The following LRRC4C variants were observed in gnomAD, a reference collection of about 807,000 sequenced individuals.
LRRC4C encodes the protein leucine rich repeat containing 4C.
Under a neutral mutation model 33.6 loss-of-function variants are expected in LRRC4C, and 5 were observed. The observed-to-expected ratio is 0.15, with a 90% CI of 0.08 to 0.31. The LOEUF is 0.31. LRRC4C is among the 10% of genes least tolerant of loss of function. The pLI, the probability that LRRC4C is intolerant of heterozygous loss-of-function variation, is 1.00. For synonymous variants in LRRC4C, 329 were observed against 302.0 expected (o/e 1.09, Z -0.93); for missense variants, 560 against 796.7 (o/e 0.70, Z 3.58).
At chr11:41,178,133 G>T (rs2136135220) in intron 1 of LRRC4C, among the ~76,000 whole-genome samples, 1 of 152,262 alleles carries the variant, frequency 6.6e-6, no homozygotes, top group East Asian at 1.9e-4. Flanking sequence ...TTGGCCTATT[G>T]AACGAGAACA....
chr11:40,653,575 TC>T (rs1942932198), intron 2 of LRRC4C, among the ~76,000 whole-genome samples: 1 of 152,186 alleles, frequency 6.6e-6, no homozygotes, highest in African/African-American at 2.4e-5. Flanking sequence ...TAGAAGCTAT[TC>T]AGTTTTATGC....
At chr11:40,939,299 T>C (rs138830847) in intron 1 of LRRC4C, among the ~76,000 whole-genome samples, 4 of 152,306 alleles carry the variant, frequency 2.6e-5, no homozygotes, top group African/African-American at 7.2e-5. Context: ...AGTGCTCACA[T>C]AAAATGGCTA....
intron 3 of LRRC4C, among the ~76,000 whole-genome samples, chr11:40,597,261 A>G (rs184642739): frequency 2.0e-5 from 3 of 152,190 alleles, no homozygotes; most frequent in Admixed American, 6.5e-5. Context: ...GCACCATATT[A>G]GTCAAGAAAT....
chr11:40,329,737 CTTTTTTTT>C (rs199598860), intron 3 of LRRC4C, among the ~76,000 whole-genome samples: 4 of 120,414 alleles, frequency 3.3e-5, no homozygotes, highest in African/African-American at 9.4e-5. Flanking sequence ...CTTTCTTTTT[CTTTTTTTT>C]TTTTTTTTTT....
intron 4 of LRRC4C, chr11:40,292,428 T>C (rs1446873384): frequency 6.6e-6 from 1 of 152,214 alleles, no homozygotes; most frequent in Non-Finnish European, 1.5e-5. Context: ...CAACTTTTCT[T>C]CTCTGAAATT....
In LRRC4C at chr11:41,411,142, A is replaced by ATTTTTTTTTTTTT. The variant is rs370574515; in HGVS notation, c.-496+48276_-496+48288dup. Among the ~76,000 whole-genome samples the ATTTTTTTTTTTTT allele has an allele frequency of 3.1e-3, 179 of 57,196 alleles. 27 individuals are homozygous for ATTTTTTTTTTTTT. The highest frequency in any genetic ancestry group is 8.7e-3 in the South Asian group (11 of 1,260). 37.5% of individuals were successfully genotyped at this position (57,196 alleles called of 152,430 possible). On this transcript the variant is annotated intron_variant, in intron 1 of 6. Transcript: ENST00000528697. ...ATGAGAAACACTTGGTTGGTACCCT[A>ATTTTTTTTTTTTT]TTTTTTTTTTTTTTTTTTTTTTTTG...
At chr11:41,385,460 TAAA>T (rs575387756) in intron 1 of LRRC4C, among the ~76,000 whole-genome samples, 2 of 150,356 alleles carry the variant, frequency 1.3e-5, no homozygotes, top group African/African-American at 4.9e-5. Context: ...ATGTTAATAG[TAAA>T]AAAAAACTAA....
chr11:41,438,570 C>T (rs1481963540), intron 1 of LRRC4C, among the ~76,000 whole-genome samples: 1 of 151,978 alleles, frequency 6.6e-6, no homozygotes, highest in African/African-American at 2.4e-5. Flanking sequence ...GTATACTATC[C>T]CTGGAGCCCC....
chr11:40,701,678 G>T (rs570245572), intron 2 of LRRC4C, among the ~76,000 whole-genome samples: 2 of 150,334 alleles, frequency 1.3e-5, no homozygotes, highest in East Asian at 3.9e-4. Flanking sequence ...TTCTTTTCAA[G>T]AAAGTTTATT....
At chr11:41,284,840 T>A (rs1186232374) in intron 1 of LRRC4C, among the ~76,000 whole-genome samples, 1 of 152,118 alleles carries the variant, frequency 6.6e-6, no homozygotes, top group Non-Finnish European at 1.5e-5. Context: ...AAAAAGCAAC[T>A]CACATATTTC....
chr11:40,586,942 T>C (rs1280580913), intron 3 of LRRC4C, among the ~76,000 whole-genome samples: 2 of 152,186 alleles, frequency 1.3e-5, no homozygotes, highest in Admixed American at 1.3e-4. Context: ...GGCTTAGGAT[T>C]GATTTGGTGA....
chr11:40,336,843 G>A (rs539812476), intron 3 of LRRC4C, among the ~76,000 whole-genome samples: 2 of 151,664 alleles, frequency 1.3e-5, no homozygotes, highest in East Asian at 3.9e-4. Context: ...CGGGAGTGGC[G>A]GGGGGCGCCT....
intron 3 of LRRC4C, among the ~76,000 whole-genome samples, chr11:40,597,363 C>G (rs760835901): frequency 2.0e-5 from 3 of 152,104 alleles, no homozygotes; most frequent in African/African-American, 2.4e-5. Context: ...TGACTGGACT[C>G]TAAATACTTT....
intron 1 of LRRC4C, among the ~76,000 whole-genome samples, chr11:41,434,617 G>A (rs538533696): frequency 2.0e-3 from 308 of 152,270 alleles, no homozygotes; most frequent in Non-Finnish European, 3.4e-3. Flanking sequence ...CTACTATTCC[G>A]ATGTGCCTAA....
chr11:40,376,679 G>C (rs1948671725), intron 3 of LRRC4C, among the ~76,000 whole-genome samples: 1 of 151,986 alleles, frequency 6.6e-6, no homozygotes, highest in Non-Finnish European at 1.5e-5. Context: ...AGCACCCAGA[G>C]ACAAAACCAG....
At chr11:41,177,557 ACC>A (rs1327723231) in intron 1 of LRRC4C, among the ~76,000 whole-genome samples, 1 of 152,084 alleles carries the variant, frequency 6.6e-6, no homozygotes, top group Admixed American at 6.5e-5. Flanking sequence ...TCTACCTTCA[ACC>A]CTGGATGACT....
At chr11:40,950,504 A>C (rs1211732858) in intron 1 of LRRC4C, among the ~76,000 whole-genome samples, 1 of 152,010 alleles carries the variant, frequency 6.6e-6, no homozygotes, top group Non-Finnish European at 1.5e-5. Flanking sequence ...TATTATAATT[A>C]TTATTTTCAC....
intron 2 of LRRC4C, among the ~76,000 whole-genome samples, chr11:40,841,061 T>G (rs1392630734): frequency 1.3e-5 from 2 of 152,196 alleles, no homozygotes; most frequent in Non-Finnish European, 2.9e-5. Flanking sequence ...AAAGAAAGAT[T>G]AATGATCAAC....
chr11:40,368,638 C>T (rs1948318936), intron 3 of LRRC4C, among the ~76,000 whole-genome samples: 2 of 152,128 alleles, frequency 1.3e-5, no homozygotes, highest in African/African-American at 4.8e-5. Flanking sequence ...TCTTATAAAG[C>T]ATTTCCTGGT....
Sources: allele counts gnomAD v4.1 joint callset (sites outside exome capture counted in the v4.1 genomes callset), GRCh38; gene constraint gnomAD v4.1.1; transcripts MANE v1.5; gene names NCBI Gene and HGNC (gene_info 2026-07-23, HGNC 2026-07-21).